The following DSCAML1 variants were observed in gnomAD, a reference collection of about 807,000 sequenced individuals.
The protein encoded by DSCAML1 is cell adhesion molecule DSCAML1.
A neutral mutation model predicts 200.5 loss-of-function variants in DSCAML1; 38 were observed. The ratio of observed to expected loss-of-function variants is 0.19; its 90% CI spans 0.15 to 0.25. The LOEUF is 0.25. Ranked by LOEUF, DSCAML1 falls within the 10% of genes least tolerant of loss-of-function variation. The probability of loss-of-function intolerance (pLI) is 1.00; values close to 1 mark genes in which losing one functional copy is unlikely to be tolerated. For missense variants in DSCAML1, 2,223 were observed against 2,858.8 expected, an observed-to-expected ratio of 0.78 and a Z score of 5.07; for synonymous variants, 1,215 against 1,165.0, an observed-to-expected ratio of 1.04 and a Z score of -0.87.
In DSCAML1 at chr11:117,472,016, A is replaced by T. The variant is rs766635774; in HGVS notation, c.2806T>A (p.Ser936Thr). 1.2e-6 allele frequency: 2 copies of T among 1,614,072 alleles called. No individual in the cohort carries two copies. Among genetic ancestry groups the T allele is most frequent in the South Asian group, 2.2e-5 (2 of 91,058 alleles). The change falls in exon 15 of 33, where the codon TCC becomes ACC. Residue 936 changes from serine (S) to threonine (T), a missense_variant. Transcript: ENST00000651296. ...NKSDSWDFKQ[S>T]TRNISPTINQ... ...ATGGTGGGGGAGATGTTGCGTGTGG[A>T]CTGCTTGAAGTCCCAGGAATCTGGA... is the stretch of plus-strand genomic sequence containing the variant.
intron 3 of DSCAML1, among the ~76,000 whole-genome samples, chr11:117,697,102 AGGGAACCATG>A (rs1405763325): frequency 2.0e-5 from 3 of 152,218 alleles, no homozygotes; most frequent in Admixed American, 6.5e-5. Flanking sequence ...TTTATCAATA[AGGGAACCATG>A]GCTCAGAGGG....
intron 3 of DSCAML1, among the ~76,000 whole-genome samples, chr11:117,605,824 C>T (rs569189763): frequency 6.6e-6 from 1 of 152,208 alleles, no homozygotes; most frequent in Admixed American, 6.5e-5. Flanking sequence ...TACAGCCATG[C>T]CATTTTGGGT....
chr11:117,482,206 C>T (rs775997442), intron 11 of DSCAML1, 44 bp from the exon 12 acceptor site: 29 of 1,608,358 alleles, frequency 1.8e-5, no homozygotes, highest in East Asian at 6.7e-5. Flanking sequence ...GTCGGGAGAC[C>T]AGCCTGGAGG....
At chr11:117,462,303 C>A (rs2048496458) in intron 17 of DSCAML1, among the ~76,000 whole-genome samples, 1 of 151,796 alleles carries the variant, frequency 6.6e-6, no homozygotes, top group Admixed American at 6.5e-5. Flanking sequence ...GTCACACTCT[C>A]CCTCTGAGAG....
intron 3 of DSCAML1, among the ~76,000 whole-genome samples, chr11:117,564,142 C>T (rs563561874): frequency 3.9e-5 from 6 of 152,308 alleles, no homozygotes; most frequent in African/African-American, 1.4e-4. Flanking sequence ...ACACTGTATC[C>T]GCAAGAGGGA....
chr11:117,451,107 C>T (rs988369046), intron 19 of DSCAML1, among the ~76,000 whole-genome samples: 1 of 152,156 alleles, frequency 6.6e-6, no homozygotes, highest in Non-Finnish European at 1.5e-5. Flanking sequence ...CTGTGAGTTT[C>T]TTGAAGCTGG....
chr11:117,687,426 A>T (rs1396524293), intron 3 of DSCAML1, among the ~76,000 whole-genome samples: 148 of 97,616 alleles, frequency 1.5e-3, no homozygotes, highest in Middle Eastern at 0.013. Flanking sequence ...ATGCCTGGCT[A>T]TTTTTTTTTT....
intron 3 of DSCAML1, among the ~76,000 whole-genome samples, chr11:117,761,444 T>C (rs2054800772): frequency 1.3e-5 from 2 of 152,224 alleles, no homozygotes; most frequent in Admixed American, 1.3e-4. Flanking sequence ...GAGCCCCAGA[T>C]GTGATGGCCT....
intron 3 of DSCAML1, among the ~76,000 whole-genome samples, chr11:117,717,345 TC>T (rs1443246708): frequency 6.6e-6 from 1 of 151,668 alleles, no homozygotes; most frequent in Non-Finnish European, 1.5e-5. Context: ...GCCTCACCTC[TC>T]CCCGCCCCTG....
At chr11:117,790,051 AC>A (rs1243632895) in intron 1 of DSCAML1, among the ~76,000 whole-genome samples, 3 of 152,036 alleles carry the variant, frequency 2.0e-5, no homozygotes, top group Non-Finnish European at 4.4e-5. Flanking sequence ...CCCACCCCCA[AC>A]GCAGGGGTCC....
chr11:117,430,254 ATTGT>A (rs779886434), intron 32 of DSCAML1, among the ~76,000 whole-genome samples: 6 of 152,222 alleles, frequency 3.9e-5, no homozygotes, highest in Admixed American at 6.5e-5. Context: ...AGCTGCCAGG[ATTGT>A]TTGTTTGGGT....
intron 3 of DSCAML1, among the ~76,000 whole-genome samples, chr11:117,576,756 G>A (rs1219530999): frequency 3.3e-5 from 5 of 152,146 alleles, no homozygotes; most frequent in South Asian, 2.1e-4. Context: ...TGTTGCTGCC[G>A]GAGCAATGTG....
At chr11:117,758,030 T>A (rs2137884561) in intron 3 of DSCAML1, among the ~76,000 whole-genome samples, 1 of 151,988 alleles carries the variant, frequency 6.6e-6, no homozygotes, top group Non-Finnish European at 1.5e-5. Flanking sequence ...TGGTCAGGCA[T>A]GGTGGCTCAC....
At chr11:117,812,556 C>T (rs542869863) in intron 1 of DSCAML1, among the ~76,000 whole-genome samples, 1 of 152,106 alleles carries the variant, frequency 6.6e-6, no homozygotes, top group Non-Finnish European at 1.5e-5. Flanking sequence ...ACCCGTCATC[C>T]CAGCCTCTCT....
At chr11:117,798,685 C>G (rs1029154252), upstream of DSCAML1, among the ~76,000 whole-genome samples, 1 of 152,106 alleles carries the variant, frequency 6.6e-6, no homozygotes, top group East Asian at 1.9e-4. Flanking sequence ...ATTCTAGGTA[C>G]CTCATAAGTG....
At chr11:117,601,847 T>C (rs933765387) in intron 3 of DSCAML1, among the ~76,000 whole-genome samples, 49 of 152,188 alleles carry the variant, frequency 3.2e-4, no homozygotes, top group African/African-American at 1.1e-3. Context: ...TTTTGATTCA[T>C]TGGTTTCTGG....
intron 3 of DSCAML1, among the ~76,000 whole-genome samples, chr11:117,634,756 C>A (rs2052243559): frequency 6.6e-6 from 1 of 152,224 alleles, no homozygotes; most frequent in African/African-American, 2.4e-5. Context: ...GCAAGGTGGT[C>A]CCCTACTCCT....
rs756198464 is a variant in DSCAML1 at position 117,431,648 on chromosome 11, G to C, written c.5260C>G (p.Gln1754Glu). ...YSSQWTLTKCQASTPARTLTS... is the reference protein window; with the variant it reads ...YSSQWTLTKCEASTPARTLTS... ...AGGGTGCGGGCAGGTGTGGAGGCCT[G>C]GCACTTGGTCAGGGTCCACTGGCTT... is the stretch of plus-strand genomic sequence containing the variant. The change falls in exon 31 of 33, where the codon CAG (glutamine) becomes GAG (glutamate). Residue 1754 changes from glutamine (Q) to glutamate (E), a missense_variant. Transcript: ENST00000651296. 2.5e-6 allele frequency: 4 copies of C among 1,613,204 alleles called. No homozygotes were observed. The African/African-American group carries it at 5.3e-5, about 22-fold the overall frequency.
chr11:117,778,606 T>C (rs1189515014), intron 2 of DSCAML1, among the ~76,000 whole-genome samples: 1 of 152,262 alleles, frequency 6.6e-6, no homozygotes, highest in African/African-American at 2.4e-5. Flanking sequence ...TAGCTGCACC[T>C]CTGCGATTAA....
Sources: allele counts gnomAD v4.1 joint callset (sites outside exome capture counted in the v4.1 genomes callset), GRCh38; gene constraint gnomAD v4.1.1; transcripts MANE v1.5; gene names NCBI Gene and HGNC (gene_info 2026-07-23, HGNC 2026-07-21).